SHANK2: variants seen among roughly 807,000 people sequenced by gnomAD.
The protein encoded by SHANK2 is SH3 and multiple ankyrin repeat domains protein 2.
A neutral mutation model predicts 133.7 loss-of-function variants in SHANK2; 43 were observed. That is an observed-to-expected ratio of 0.32 (90% CI 0.25 to 0.41). SHANK2 has a LOEUF of 0.41. SHANK2 is among the 10% of genes least tolerant of loss of function. SHANK2 has a pLI of 1.00. For missense variants in SHANK2, 1,994 were observed against 2,235.8 expected (o/e 0.89, Z 2.18); for synonymous variants, 1,017 against 952.8 (o/e 1.07, Z -1.24).
At chr11:70,594,989 G>A (rs940263269) in intron 17 of SHANK2, among the ~76,000 whole-genome samples, 4 of 152,064 alleles carry the variant, frequency 2.6e-5, no homozygotes, top group Non-Finnish European at 4.4e-5. Context: ...AGGGCCGGGA[G>A]CCGGGAGCCG....
At position 70,472,137 on chromosome 11, in the gene SHANK2, C is replaced by A. The variant is rs546172354; in HGVS notation, c.*732G>T. ...ACTCCATGTGACATCTGCTTGGCCA[C>A]CTTGGAATTATGCTAACAGATTTGC... On this transcript the variant is annotated 3_prime_UTR_variant, in exon 26 of 26. Coordinates refer to ENST00000601538, the MANE Select transcript of SHANK2 (RefSeq NM_012309.5). This position sits in a 1 kb window ranked among gnomAD's most constrained non-coding sequence, Gnocchi z 4.4. 2 of 152,788 alleles carry A rather than the reference C, an allele frequency of 1.3e-5. No individual in the cohort carries two copies. The highest frequency in any genetic ancestry group is 3.9e-4 in the East Asian group (2 of 5,184). 9.5% of individuals were successfully genotyped at this position (152,788 alleles called of 1,614,324 possible).
intron 2 of SHANK2, among the ~76,000 whole-genome samples, chr11:71,207,378 C>T (rs560757244): frequency 2.0e-5 from 3 of 152,106 alleles, no homozygotes; most frequent in South Asian, 2.1e-4. Flanking sequence ...CAGGGTTTCA[C>T]GATGTTGGCC....
At chr11:70,522,854 C>G (rs2135936233) in intron 17 of SHANK2, among the ~76,000 whole-genome samples, 1 of 152,344 alleles carries the variant, frequency 6.6e-6, no homozygotes, top group African/African-American at 2.4e-5. Context: ...CCCAAGCCAG[C>G]CAGGCATTTG....
intron 3 of SHANK2, among the ~76,000 whole-genome samples, chr11:71,134,159 G>T (rs533955087): frequency 1.3e-5 from 2 of 152,010 alleles, no homozygotes; most frequent in South Asian, 4.2e-4. Flanking sequence ...GAGGGGAGGG[G>T]CTCATCTCCA....
At chr11:71,163,570 G>A (rs1259036277) in intron 2 of SHANK2, among the ~76,000 whole-genome samples, 3 of 152,178 alleles carry the variant, frequency 2.0e-5, no homozygotes, top group Non-Finnish European at 4.4e-5. Flanking sequence ...GGAGGGCATT[G>A]TGACTTCCCC....
At chr11:71,099,085 G>A (rs1365925740) in intron 6 of SHANK2, among the ~76,000 whole-genome samples, 2 of 152,042 alleles carry the variant, frequency 1.3e-5, no homozygotes, top group Non-Finnish European at 2.9e-5. Flanking sequence ...ACACCAGATG[G>A]ATCCCAATAA....
At chr11:70,494,633 G>A (rs189096415) in intron 21 of SHANK2, among the ~76,000 whole-genome samples, 5 of 152,294 alleles carry the variant, frequency 3.3e-5, no homozygotes, top group Non-Finnish European at 7.3e-5. Context: ...GGAAGAAAAG[G>A]CAGGAGAATG....
At chr11:70,912,816 G>GTGTT (rs1362965505) in intron 10 of SHANK2, among the ~76,000 whole-genome samples, 5 of 152,072 alleles carry the variant, frequency 3.3e-5, no homozygotes, top group African/African-American at 1.2e-4. Context: ...ACTAATACAG[G>GTGTT]TGTTTACACG....
chr11:70,868,613 G>A (rs1376235667), intron 11 of SHANK2, among the ~76,000 whole-genome samples: 2 of 152,198 alleles, frequency 1.3e-5, no homozygotes, highest in Non-Finnish European at 2.9e-5. Context: ...TCAGCCTATG[G>A]ACTGAGCTGG....
At chr11:70,754,238 G>A (rs1445146152) in intron 14 of SHANK2, among the ~76,000 whole-genome samples, 3 of 152,182 alleles carry the variant, frequency 2.0e-5, no homozygotes, top group Admixed American at 1.3e-4. Flanking sequence ...AAAGAGAAGT[G>A]GAGGGAACGC....
intron 11 of SHANK2, among the ~76,000 whole-genome samples, chr11:70,872,597 A>AG (rs1376044461): frequency 5.3e-5 from 8 of 151,920 alleles, no homozygotes; most frequent in African/African-American, 1.9e-4. Flanking sequence ...CCCCATACAG[A>AG]GGGGCCCCCC....
At chr11:70,817,735 T>A (rs1386155104) in intron 12 of SHANK2, among the ~76,000 whole-genome samples, 1 of 152,184 alleles carries the variant, frequency 6.6e-6, no homozygotes, top group Non-Finnish European at 1.5e-5. Flanking sequence ...GAAGTTGGTC[T>A]TTCTGGGACC....
chr11:70,509,306 G>A (rs545488291), intron 17 of SHANK2, among the ~76,000 whole-genome samples: 33 of 152,332 alleles, frequency 2.2e-4, no homozygotes, highest in East Asian at 1.4e-3. Context: ...GGTCTCCAGC[G>A]CTGCCCAATG....
At chr11:70,655,362 C>T (rs555856700) in intron 17 of SHANK2, among the ~76,000 whole-genome samples, 1 of 152,232 alleles carries the variant, frequency 6.6e-6, no homozygotes, top group Non-Finnish European at 1.5e-5. Flanking sequence ...CAGAGTCAGA[C>T]AATGTGGGTT....
intron 3 of SHANK2, among the ~76,000 whole-genome samples, chr11:71,139,920 C>T (rs1555105464): frequency 6.6e-6 from 1 of 152,166 alleles, no homozygotes; most frequent in Non-Finnish European, 1.5e-5. Flanking sequence ...GCAGTGGGCC[C>T]GGACAGCAGC....
chr11:71,172,151 C>T (rs1555112314), intron 2 of SHANK2, among the ~76,000 whole-genome samples: 2 of 152,206 alleles, frequency 1.3e-5, no homozygotes, highest in East Asian at 1.9e-4. Context: ...ATTTCCAACA[C>T]AGTGATTCCC....
intron 5 of SHANK2, among the ~76,000 whole-genome samples, chr11:71,110,622 G>A (rs1181145978): frequency 6.6e-6 from 1 of 152,108 alleles, no homozygotes; most frequent in Non-Finnish European, 1.5e-5. Flanking sequence ...GTCTTTCCAG[G>A]CTCTGGGAAA....
At chr11:70,900,087 G>A (rs1950002417) in intron 10 of SHANK2, among the ~76,000 whole-genome samples, 2 of 152,320 alleles carry the variant, frequency 1.3e-5, no homozygotes, top group East Asian at 1.9e-4. Flanking sequence ...CAGGCGCTGC[G>A]GCTCACACCT....
At chr11:70,583,831 G>A (rs570270297) in intron 17 of SHANK2, among the ~76,000 whole-genome samples, 4 of 152,288 alleles carry the variant, frequency 2.6e-5, no homozygotes, top group South Asian at 4.1e-4. Flanking sequence ...TAACGTCTGC[G>A]GGCTGCCCGC....
Sources: allele counts gnomAD v4.1 joint callset (sites outside exome capture counted in the v4.1 genomes callset), GRCh38; gene constraint gnomAD v4.1.1; non-coding constraint Gnocchi (gnomAD v3.1); transcripts MANE v1.5; gene names NCBI Gene and HGNC (gene_info 2026-07-23, HGNC 2026-07-21).